The following RGS6 variants were observed in gnomAD, a reference collection of about 807,000 sequenced individuals.
RGS6 encodes the protein regulator of G-protein signaling 6.
Under a neutral mutation model 78.5 loss-of-function variants are expected in RGS6, and 30 were observed. That is an observed-to-expected ratio of 0.38 (90% CI 0.29 to 0.52). The LOEUF (loss-of-function observed/expected upper bound fraction) is 0.52, where lower values mean the gene tolerates loss of function less well. Among genes scored for constraint, RGS6 ranks in the 20% least tolerant of loss-of-function variants. The pLI is 0.85. For missense variants in RGS6, 495 were observed against 609.7 expected (o/e 0.81, Z 1.98); for synonymous variants, 206 against 206.0 (o/e 1.00, Z 0.00).
chr14:72,388,437 C>T (rs1160328894), intron 3 of RGS6, among the ~76,000 whole-genome samples: 2 of 152,204 alleles, frequency 1.3e-5, no homozygotes, highest in African/African-American at 4.8e-5. Context: ...ACTAATACAG[C>T]CATCATACAC....
chr14:72,408,563 A>G (rs905027390), intron 3 of RGS6, among the ~76,000 whole-genome samples: 9 of 152,164 alleles, frequency 5.9e-5, no homozygotes, highest in East Asian at 1.9e-4. Flanking sequence ...GTGGGACTCT[A>G]TCATCAGGTA....
chr14:72,391,075 A>G (rs1287402161), intron 3 of RGS6, among the ~76,000 whole-genome samples: 3 of 152,224 alleles, frequency 2.0e-5, no homozygotes, highest in Admixed American at 6.5e-5. Flanking sequence ...AAGCATATGA[A>G]TAAATCACCG....
chr14:72,299,077 C>A (rs1567696939), intron 2 of RGS6, among the ~76,000 whole-genome samples: 1 of 152,124 alleles, frequency 6.6e-6, no homozygotes, highest in African/African-American at 2.4e-5. Context: ...TTTGTTCATA[C>A]AATTTCCATA....
chr14:72,511,961 G>A (rs1214155907), intron 14 of RGS6: 1 of 152,154 alleles, frequency 6.6e-6, no homozygotes, highest in African/African-American at 2.4e-5. Context: ...CACTAGGGTG[G>A]TGCTCAGACT....
At chr14:72,459,584 C>A in intron 5 of RGS6, 48 bp from the exon 6 acceptor site, 1 of 1,600,762 alleles carries the variant, frequency 6.2e-7, no homozygotes, top group Non-Finnish European at 8.6e-7. Context: ...GGGAGGGAAG[C>A]GCAGGCATGG....
the RGS6 span, among the ~76,000 whole-genome samples, chr14:72,574,317 C>T: frequency 2.0e-5 from 3 of 152,208 alleles, no homozygotes; most frequent in Non-Finnish European, 4.4e-5. Context: ...CTGTGACTTT[C>T]CCCAGTCCCT....
intron 2 of RGS6, among the ~76,000 whole-genome samples, chr14:72,063,733 G>C (rs1448768263): frequency 1.3e-5 from 2 of 152,098 alleles, no homozygotes; most frequent in Non-Finnish European, 2.9e-5. Context: ...TGCATTAGCT[G>C]GAGTTAAGGC....
chr14:71,941,030 C>G (rs1027387520), intron 1 of RGS6, among the ~76,000 whole-genome samples: 1 of 115,964 alleles, frequency 8.6e-6, no homozygotes, highest in South Asian at 2.9e-4. Flanking sequence ...AAGACTCTCA[C>G]TTAGTGTAAT....
intron 6 of RGS6, among the ~76,000 whole-genome samples, chr14:72,462,156 T>G (rs754829200): frequency 1.8e-4 from 28 of 152,200 alleles, no homozygotes; most frequent in African/African-American, 6.0e-4. Context: ...CTCTGTCAAA[T>G]TCTATGTCAG....
At chr14:72,120,515 A>G (rs879396300) in intron 2 of RGS6, among the ~76,000 whole-genome samples, 5 of 152,222 alleles carry the variant, frequency 3.3e-5, no homozygotes, top group African/African-American at 1.2e-4. Flanking sequence ...GAAACCACAC[A>G]TACCATAACA....
chr14:71,912,452 G>T, the RGS6 span, among the ~76,000 whole-genome samples: 22 of 152,340 alleles, frequency 1.4e-4, no homozygotes, highest in East Asian at 4.2e-3. Context: ...ACTTACAAAT[G>T]AAGAGTGTTA....
intron 2 of RGS6, among the ~76,000 whole-genome samples, chr14:72,251,294 T>G (rs913465037): frequency 6.6e-6 from 1 of 152,210 alleles, no homozygotes; most frequent in Non-Finnish European, 1.5e-5. Flanking sequence ...AATTTTGCTT[T>G]CTTCTCTTCT....
At chr14:72,494,368 A>G (rs1434671954) in intron 12 of RGS6, among the ~76,000 whole-genome samples, 1 of 152,204 alleles carries the variant, frequency 6.6e-6, no homozygotes, top group South Asian at 2.1e-4. Flanking sequence ...ATTCTTGTCT[A>G]AAATAAAAAA....
At chr14:72,546,686 A>G (rs114611700) in intron 17 of RGS6, among the ~76,000 whole-genome samples, 2,092 of 152,076 alleles carry the variant, frequency 0.014, 55 homozygotes, top group African/African-American at 0.048. Context: ...ACCCCCGCCC[A>G]GGCCCTCTCC....
the RGS6 span, among the ~76,000 whole-genome samples, chr14:72,586,635 C>G: frequency 2.0e-5 from 3 of 152,264 alleles, no homozygotes; most frequent in Admixed American, 1.3e-4. Flanking sequence ...AATCTCCACC[C>G]TCTCTGACCT....
rs981280579 is a variant in RGS6 at position 72,383,802 on chromosome 14, T to TG, written c.184+31616dup. ...ACGGTAAATGCAGGCTTTCAAAGGG[T>TG]GGGGGGGGACGGTAGAGATTTTAAA... On this transcript the variant is annotated intron_variant, in intron 3 of 17. Transcript: ENST00000553525. Among the ~76,000 whole-genome samples, 109 of 150,874 alleles carry TG rather than the reference T, an allele frequency of 7.2e-4. 1 individual carries two copies. The highest frequency in any genetic ancestry group is 3.4e-3 in the Middle Eastern group (1 of 292).
chr14:72,036,198 A>G (rs1380746162), intron 2 of RGS6, among the ~76,000 whole-genome samples: 1 of 46,094 alleles, frequency 2.2e-5, no homozygotes, highest in Non-Finnish European at 4.1e-5. Flanking sequence ...TTGCATGTAA[A>G]CATATTATTA....
Position 72,358,960 on chromosome 14 carries a change from G to C in RGS6, c.184+6766G>C, listed in dbSNP as rs139336860. On this transcript the variant is annotated intron_variant, in intron 3 of 17. Transcript: ENST00000553525. The stretch of plus-strand genomic sequence containing the variant: ...TGCAGTGGGAGGTAATTGAATCATG[G>C]GTTGGTTACCTCCATGCTTTCCTCA... Among the ~76,000 whole-genome samples, 102 of 152,302 alleles carry C rather than the reference G, an allele frequency of 6.7e-4. 1 individual carries two copies. The highest frequency in any genetic ancestry group is 2.4e-3 in the African/African-American group (99 of 41,566).
intron 3 of RGS6, among the ~76,000 whole-genome samples, chr14:72,417,489 T>C (rs78370455): frequency 0.013 from 2,049 of 152,182 alleles, 15 homozygotes; most frequent in African/African-American, 0.019. Context: ...TCTTTTTTTT[T>C]CCCCCAGATA....
Sources: gnomAD v4.1 joint callset for allele counts (sites outside exome capture counted in the v4.1 genomes callset) on GRCh38, gnomAD v4.1.1 for gene constraint, MANE v1.5 for transcripts, NCBI Gene and HGNC (gene_info 2026-07-23, HGNC 2026-07-21) for gene names.